FER1L6: variants seen among roughly 807,000 people sequenced by gnomAD.
The protein encoded by FER1L6 is fer-1-like protein 6.
FER1L6 carries 177 observed loss-of-function variants against 219.2 expected under a neutral mutation model. The ratio of observed to expected loss-of-function variants is 0.81; its 90% CI spans 0.71 to 0.91. FER1L6 has a LOEUF of 0.91. FER1L6 is among the 40% of genes least tolerant of loss of function. The pLI is 0.00. For missense variants in FER1L6, 2,153 were observed against 2,259.9 expected (o/e 0.95, Z 0.96); for synonymous variants, 768 against 824.3 (o/e 0.93, Z 1.17).
At chr8:123,905,018 C>T (rs1159397037) in intron 1 of FER1L6, among the ~76,000 whole-genome samples, 1 of 152,182 alleles carries the variant, frequency 6.6e-6, no homozygotes, top group Non-Finnish European at 1.5e-5. Context: ...CCCCTGAAGA[C>T]ATAGTTGGTC....
At chr8:124,055,562 G>A (rs750449310) in intron 22 of FER1L6, among the ~76,000 whole-genome samples, 1 of 151,978 alleles carries the variant, frequency 6.6e-6, no homozygotes, top group Non-Finnish European at 1.5e-5. Flanking sequence ...TAGAACACTC[G>A]TTTCCCCTAC....
At chr8:123,985,976 A>C in intron 11 of FER1L6, 92 bp from the exon 12 acceptor site, 1 of 720,866 alleles carries the variant, frequency 1.4e-6, no homozygotes, top group Non-Finnish European at 2.4e-6. Flanking sequence ...AAATGTTTAT[A>C]AATTATGCTG....
chr8:124,081,543 G>A (rs902786006), intron 32 of FER1L6, among the ~76,000 whole-genome samples: 39 of 149,674 alleles, frequency 2.6e-4, no homozygotes, highest in African/African-American at 8.2e-4. Context: ...TACAGTTCAC[G>A]GAAACATTTA....
intron 10 of FER1L6, among the ~76,000 whole-genome samples, chr8:123,977,997 G>A (rs1341551106): frequency 6.6e-6 from 1 of 152,134 alleles, no homozygotes; most frequent in Non-Finnish European, 1.5e-5. Context: ...CATGGCTCTG[G>A]GCGGTCAGGA....
intron 1 of FER1L6, among the ~76,000 whole-genome samples, chr8:123,893,822 G>A (rs997031386): frequency 6.6e-6 from 1 of 152,276 alleles, no homozygotes; most frequent in South Asian, 2.1e-4. Context: ...TTGCAGGTGG[G>A]TTCATCTTGC....
At chr8:123,919,676 T>C (rs1813301752) in intron 1 of FER1L6, among the ~76,000 whole-genome samples, 1 of 152,244 alleles carries the variant, frequency 6.6e-6, no homozygotes, top group Admixed American at 6.5e-5. Flanking sequence ...AAAAGTCTTT[T>C]CTGTTTTCCA....
intron 1 of FER1L6, among the ~76,000 whole-genome samples, chr8:123,951,618 G>C (rs777856753): frequency 1.4e-4 from 22 of 152,212 alleles, no homozygotes; most frequent in Non-Finnish European, 3.1e-4. Context: ...ACCTTTGAAT[G>C]GTGGAAAAAT....
rs1363369671 is a variant in FER1L6 at position 124,064,383 on chromosome 8, G to A, written c.3365G>A (p.Gly1122Glu). ...TCGCTAACAGCCACTGAGTCCTCTG[G>A]AGCCCACAGCTCCTCCCAGGATCCC... ...SDSLTATESS[G>E]AHSSSQDPPA... Residue 1122 changes from glycine (G) to glutamate (E), a missense_variant, in exon 26 of 41, where the codon GGA (glycine) becomes GAA (glutamate). Coordinates refer to ENST00000522917, the MANE Select transcript of FER1L6 (RefSeq NM_001039112.2). 3 of 1,612,898 alleles carry A rather than the reference G, an allele frequency of 1.9e-6. No individual in the cohort carries two copies. Among genetic ancestry groups the A allele is most frequent in the East Asian group, 2.2e-5 (1 of 44,864 alleles).
At chr8:124,050,423 A>C (rs1356609161) in intron 22 of FER1L6, among the ~76,000 whole-genome samples, 2 of 152,156 alleles carry the variant, frequency 1.3e-5, no homozygotes, top group Non-Finnish European at 2.9e-5. Flanking sequence ...GAGTCCCTGC[A>C]GTCTAGCAGT....
At chr8:123,873,198 C>T (rs1448326057) in intron 1 of FER1L6, among the ~76,000 whole-genome samples, 1 of 152,176 alleles carries the variant, frequency 6.6e-6, no homozygotes, top group Non-Finnish European at 1.5e-5. Flanking sequence ...CTGTTGATGT[C>T]AGTCACCTCA....
intron 1 of FER1L6, among the ~76,000 whole-genome samples, chr8:123,922,418 A>G (rs1475432513): frequency 6.6e-6 from 1 of 152,216 alleles, no homozygotes; most frequent in Non-Finnish European, 1.5e-5. Flanking sequence ...GGTTGCAGCA[A>G]GAGAAGCTGG....
At chr8:124,070,660 C>T (rs932917551) in intron 30 of FER1L6, 62 bp downstream of exon 30, 27 of 1,407,960 alleles carry the variant, frequency 1.9e-5, no homozygotes, top group South Asian at 1.7e-4. Context: ...AGCTATGACT[C>T]GATTCTGTTA....
chr8:123,911,967 T>A (rs1158611459), intron 1 of FER1L6, among the ~76,000 whole-genome samples: 1 of 152,140 alleles, frequency 6.6e-6, no homozygotes, highest in Non-Finnish European at 1.5e-5. Context: ...GGTTTTATGG[T>A]AGACTAGCCT....
intron 1 of FER1L6, among the ~76,000 whole-genome samples, chr8:123,889,905 C>T (rs988356449): frequency 2.0e-5 from 3 of 151,974 alleles, no homozygotes; most frequent in Non-Finnish European, 4.4e-5. Context: ...TAGTTTTTTT[C>T]TTGTTTCTCT....
intron 39 of FER1L6, among the ~76,000 whole-genome samples, chr8:124,112,413 G>A (rs561191684): frequency 2.6e-5 from 4 of 152,324 alleles, no homozygotes; most frequent in African/African-American, 9.6e-5. Flanking sequence ...GGATTGCTGA[G>A]GAATGGGGAC....
At chr8:123,899,762 C>A (rs11775131) in intron 1 of FER1L6, among the ~76,000 whole-genome samples, 57 of 152,028 alleles carry the variant, frequency 3.7e-4, no homozygotes, top group African/African-American at 1.3e-3. Context: ...AAAAAGTGTC[C>A]TTTCTCCACT....
chr8:124,039,621 G>A (rs1327485432), intron 19 of FER1L6, among the ~76,000 whole-genome samples: 6 of 152,268 alleles, frequency 3.9e-5, no homozygotes, highest in African/African-American at 7.2e-5. Flanking sequence ...ATGCTATTTC[G>A]CATGGTTTTA....
At chr8:124,000,267 C>T (rs1817343189) in intron 12 of FER1L6, among the ~76,000 whole-genome samples, 1 of 152,162 alleles carries the variant, frequency 6.6e-6, no homozygotes, top group Admixed American at 6.5e-5. Context: ...GAATGAATCA[C>T]CTTTAGGCAA....
At chr8:123,857,595 C>G (rs1365464004) in intron 1 of FER1L6, among the ~76,000 whole-genome samples, 3 of 152,200 alleles carry the variant, frequency 2.0e-5, no homozygotes, top group Non-Finnish European at 2.9e-5. Context: ...TCAGTACTAA[C>G]CTGTTAGGAA....
Sources: allele counts gnomAD v4.1 joint callset (sites outside exome capture counted in the v4.1 genomes callset), GRCh38; gene constraint gnomAD v4.1.1; transcripts MANE v1.5; gene names NCBI Gene and HGNC (gene_info 2026-07-23, HGNC 2026-07-21).